EHBP1: variants seen among roughly 807,000 people sequenced by gnomAD.
EHBP1 encodes the protein EH domain-binding protein 1.
EHBP1 carries 55 observed loss-of-function variants against 144.0 expected under a neutral mutation model. The ratio of observed to expected loss-of-function variants is 0.38; its 90% CI spans 0.31 to 0.48. The LOEUF is 0.48. EHBP1 is among the 20% of genes least tolerant of loss of function. The pLI is 0.98. For synonymous variants in EHBP1, 469 were observed against 472.7 expected (o/e 0.99, Z 0.10); for missense variants, 1,200 against 1,364.2 (o/e 0.88, Z 1.90).
chr2:62,876,794 A>T (rs2152854266), intron 10 of EHBP1, among the ~76,000 whole-genome samples: 1 of 152,316 alleles, frequency 6.6e-6, no homozygotes, highest in Admixed American at 6.5e-5. Flanking sequence ...TCATAAGAAC[A>T]GCAAGGGGGA....
At chr2:62,779,689 A>G (rs1159026165) in intron 5 of EHBP1, among the ~76,000 whole-genome samples, 1 of 152,156 alleles carries the variant, frequency 6.6e-6, no homozygotes, top group Non-Finnish European at 1.5e-5. Flanking sequence ...ATTTCTAAAT[A>G]TTTCGGAAAT....
chr2:62,749,764 G>A lies in EHBP1; in HGVS notation c.162+2312G>A, dbSNP rs576267231. 6.9e-3 allele frequency among the ~76,000 whole-genome samples: 1,051 copies of A among 152,186 alleles called. 10 individuals are homozygous for A. The highest frequency in any genetic ancestry group is 0.021 in the African/African-American group (877 of 41,518). ...ATGAGCATTTTTTCATGTGTCTTTT[G>A]GCTGCATAAATGTCTTCTTTTGAGA... On this transcript the variant is annotated intron_variant, in intron 3 of 22. Coordinates refer to ENST00000431489, the MANE Select transcript of EHBP1 (RefSeq NM_001142616.3).
At chr2:63,027,148 A>T (rs944349238) in intron 19 of EHBP1, among the ~76,000 whole-genome samples, 2 of 152,204 alleles carry the variant, frequency 1.3e-5, no homozygotes, top group Admixed American at 1.3e-4. Context: ...GACTAGCTAT[A>T]TGACTTGAGA....
intron 5 of EHBP1, among the ~76,000 whole-genome samples, chr2:62,821,118 T>C (rs532149301): frequency 6.6e-6 from 1 of 152,208 alleles, no homozygotes; most frequent in Admixed American, 6.5e-5. Context: ...GAACAGTCTA[T>C]GTAATAAAGC....
chr2:62,811,950 A>T (rs1172001898), intron 5 of EHBP1, among the ~76,000 whole-genome samples: 1 of 152,224 alleles, frequency 6.6e-6, no homozygotes, highest in Non-Finnish European at 1.5e-5. Context: ...CCAATGCAAC[A>T]GTGTTGAGAG....
At chr2:62,915,125 G>T (rs963310808) in intron 10 of EHBP1, among the ~76,000 whole-genome samples, 2 of 151,726 alleles carry the variant, frequency 1.3e-5, no homozygotes, top group Non-Finnish European at 2.9e-5. Context: ...CTATGTATAC[G>T]TATGGATCTT....
intron 7 of EHBP1, among the ~76,000 whole-genome samples, chr2:62,832,016 T>G (rs1328883110): frequency 6.6e-6 from 1 of 152,208 alleles, no homozygotes; most frequent in Admixed American, 6.5e-5. Flanking sequence ...GACCTTCACT[T>G]CCATTCCACA....
intron 2 of EHBP1, among the ~76,000 whole-genome samples, chr2:62,712,507 A>G (rs1363800916): frequency 6.6e-6 from 1 of 152,186 alleles, no homozygotes; most frequent in Non-Finnish European, 1.5e-5. Flanking sequence ...TTTTAATCCA[A>G]CTGTGTTCAG....
chr2:62,801,399 G>A (rs2043975916), intron 5 of EHBP1, among the ~76,000 whole-genome samples: 1 of 152,190 alleles, frequency 6.6e-6, no homozygotes, highest in African/African-American at 2.4e-5. Context: ...CATCTATACT[G>A]AAGTGTTGTG....
At chr2:62,819,000 G>A (rs944942869) in intron 5 of EHBP1, among the ~76,000 whole-genome samples, 2 of 152,152 alleles carry the variant, frequency 1.3e-5, no homozygotes, top group Non-Finnish European at 2.9e-5. Flanking sequence ...TCAGAGAATG[G>A]GAAAGGATGC....
intron 14 of EHBP1, among the ~76,000 whole-genome samples, chr2:62,971,419 T>C (rs1432635729): frequency 2.0e-5 from 3 of 152,314 alleles, no homozygotes; most frequent in Non-Finnish European, 4.4e-5. Flanking sequence ...AACAAATTAG[T>C]TGCTCATCAT....
chr2:62,949,072 A>G lies in EHBP1; in HGVS notation c.2226A>G (p.Lys742=), dbSNP rs1287017994. 1 of 1,608,166 alleles carries G rather than the reference A, an allele frequency of 6.2e-7. No homozygotes were observed. The highest frequency in any genetic ancestry group is 8.5e-7 in the Non-Finnish European group (1 of 1,178,690). Residue 742 remains lysine (K), a synonymous_variant, in exon 13 of 23, where the codon AAA becomes AAG. Coordinates refer to ENST00000431489, the MANE Select transcript of EHBP1 (RefSeq NM_001142616.3). ...GTAGAGATCTAGACCTTGCTAAGAAAAAACATGCTTCCCTGAGGCAGACGG... is the reference window on the plus strand; with the variant it reads ...GTAGAGATCTAGACCTTGCTAAGAAGAAACATGCTTCCCTGAGGCAGACGG... The part of the protein sequence containing the change: ...SYSRDLDLAK[K]KHASLRQTES...
intron 10 of EHBP1, among the ~76,000 whole-genome samples, chr2:62,915,284 CAGA>C (rs1252774580): frequency 1.3e-5 from 2 of 151,752 alleles, no homozygotes; most frequent in Non-Finnish European, 2.9e-5. Context: ...AAATGTATAC[CAGA>C]AGAAGAATTC....
chr2:62,726,820 A>G (rs1337922298), intron 2 of EHBP1: 2 of 151,974 alleles, frequency 1.3e-5, no homozygotes, highest in African/African-American at 4.8e-5. Flanking sequence ...CATCCTGTTG[A>G]ATTAATTAAT....
chr2:62,997,021 A>G (rs930119801), intron 19 of EHBP1, among the ~76,000 whole-genome samples: 4 of 152,028 alleles, frequency 2.6e-5, no homozygotes, highest in Admixed American at 6.6e-5. Context: ...GTTGGAATAC[A>G]CATCTGTGCC....
intron 10 of EHBP1, among the ~76,000 whole-genome samples, chr2:62,897,095 A>G (rs999115698): frequency 1.2e-4 from 18 of 152,200 alleles, no homozygotes; most frequent in Admixed American, 1.1e-3. Flanking sequence ...CTTCCTAACC[A>G]TAACCACTAC....
At chr2:63,022,088 A>G (rs1349883194) in intron 19 of EHBP1, among the ~76,000 whole-genome samples, 1 of 152,100 alleles carries the variant, frequency 6.6e-6, no homozygotes, top group Non-Finnish European at 1.5e-5. Context: ...TTACTTAAAA[A>G]TACGGATGCT....
In EHBP1 at chr2:62,990,828, G is replaced by A. The variant is rs1336496346; in HGVS notation, c.2721G>A (p.Glu907=). The A allele has an allele frequency of 6.2e-7, 1 of 1,613,252 alleles. No homozygotes were observed. The highest frequency in any genetic ancestry group is 2.2e-5 in the East Asian group (1 of 44,808). ...AGAAAGCTGTAACTGAGAGCTCAGA[G>A]CAGGACATGAAAGTAAGTCTTACTT... The part of the protein sequence containing the change: ...AAQKAVTESS[E]QDMKSGTEDL... Residue 907 remains glutamate (E), a synonymous_variant, in exon 16 of 23, where the codon GAG becomes GAA. Coordinates refer to ENST00000431489, the MANE Select transcript of EHBP1 (RefSeq NM_001142616.3).
In EHBP1 at chr2:62,996,738, G is replaced by A. The variant is rs1161593349; in HGVS notation, c.3075G>A (p.Glu1025=). 1.2e-6 allele frequency: 2 copies of A among 1,612,768 alleles called. No individual in the cohort carries two copies. The highest frequency in any genetic ancestry group is 4.5e-5 in the East Asian group (2 of 44,784). ...TTGACACCCGTGCCGCGCTGGTGGA[G>A]AAGCGCCTTCGCTATCTCATGGACA... ...KQIDTRAALV[E]KRLRYLMDTG... Residue 1025 remains glutamate, a synonymous_variant, in exon 19 of 23, where the codon GAG becomes GAA. Coordinates refer to ENST00000431489, the MANE Select transcript of EHBP1 (RefSeq NM_001142616.3).
Sources: gnomAD v4.1 joint callset for allele counts (sites outside exome capture counted in the v4.1 genomes callset) on GRCh38, gnomAD v4.1.1 for gene constraint, MANE v1.5 for transcripts, NCBI Gene and HGNC (gene_info 2026-07-23, HGNC 2026-07-21) for gene names.